ADNP2: variants seen among roughly 807,000 people sequenced by gnomAD.
The protein encoded by ADNP2 is ADNP homeobox 2, also known as activity-dependent neuroprotector homeobox protein 2.
Under a neutral mutation model 16.4 loss-of-function variants are expected in ADNP2, and 8 were observed. That is an observed-to-expected ratio of 0.49 (90% CI 0.29 to 0.88). ADNP2 has a LOEUF of 0.88. ADNP2 is among the 40% of genes least tolerant of loss of function. ADNP2 has a pLI of 0.09. For missense variants in ADNP2, 1,397 were observed against 1,395.1 expected, an observed-to-expected ratio of 1.00 and a Z score of -0.02; for synonymous variants, 637 against 545.8, an observed-to-expected ratio of 1.17 and a Z score of -2.33.
Position 80,137,527 on chromosome 18 carries a change from C to G in ADNP2, c.2114C>G (p.Ser705Cys), listed in dbSNP as rs780038294. 16 of 1,614,240 alleles carry G rather than the reference C, an allele frequency of 9.9e-6. No homozygotes were observed. Among genetic ancestry groups the G allele is most frequent in the Non-Finnish European group, 1.3e-5 (15 of 1,180,048 alleles). Residue 705 changes from serine to cysteine, a missense_variant, in exon 4 of 4, where the codon TCC becomes TGC. By Grantham distance (112) the Ser-to-Cys change is moderately radical (BLOSUM62 -1). Transcript: ENST00000262198. This position sits in a 1 kb window ranked among gnomAD's most constrained non-coding sequence, Gnocchi z 4.2. ...TCPVCNELFP[S>C]NVYQVHMEVA... is the part of the protein sequence containing the mutation. Reference sequence around the variant, plus strand: ...CCTGTCTGCAACGAGCTCTTTCCGTCCAACGTCTACCAGGTCCACATGGAG... The same window carrying G: ...CCTGTCTGCAACGAGCTCTTTCCGTGCAACGTCTACCAGGTCCACATGGAG...
At chr18:80,130,224 A>G (rs1386839081) in intron 2 of ADNP2, among the ~76,000 whole-genome samples, 1 of 152,106 alleles carries the variant, frequency 6.6e-6, no homozygotes, top group Non-Finnish European at 1.5e-5. Flanking sequence ...GGATGGGCCC[A>G]TTCTTTGAGC....
In ADNP2 at chr18:80,138,431, G is replaced by A. The variant is rs777943884; in HGVS notation, c.3018G>A (p.Pro1006=). ...QPPILNADAA[P]GPEKVTSVVP... Reference sequence around the variant, plus strand: ...CCATCCTAAATGCCGATGCAGCCCCGGGTCCAGAAAAGGTGACGAGTGTTG... The same window carrying A: ...CCATCCTAAATGCCGATGCAGCCCCAGGTCCAGAAAAGGTGACGAGTGTTG... The change falls in exon 4 of 4, where the codon CCG becomes CCA. Residue 1006 remains proline, a synonymous_variant. Coordinates refer to ENST00000262198, the MANE Select transcript of ADNP2 (RefSeq NM_014913.4). The A allele has an allele frequency of 5.6e-6, 9 of 1,613,908 alleles. No individual in the cohort carries two copies. The highest frequency in any genetic ancestry group is 1.3e-5 in the African/African-American group (1 of 74,920).
chr18:80,116,102 A>G (rs939521976), intron 1 of ADNP2, among the ~76,000 whole-genome samples: 1 of 152,172 alleles, frequency 6.6e-6, no homozygotes, highest in African/African-American at 2.4e-5. Context: ...TGTTCTGGAC[A>G]CTTCACATAA....
At position 80,138,516 on chromosome 18, in the gene ADNP2, G is replaced by C; in HGVS notation, c.3103G>C (p.Ala1035Pro). ...AGAGGGACCTATTGTCAAGGACGAG[G>C]CTCTTCAGATTTTAGCATTAGATCC... is the stretch of plus-strand genomic sequence containing the variant. ...RTEGPIVKDE[A>P]LQILALDPKK... The change falls in exon 4 of 4, where the codon GCT becomes CCT. Residue 1035 changes from alanine to proline, a missense_variant. This residue lies in a region of ADNP2 where 611 missense variants were observed against 648.7 expected (regional missense o/e 0.94). Coordinates refer to ENST00000262198, the MANE Select transcript of ADNP2 (RefSeq NM_014913.4). 1 of 1,614,044 alleles carries C rather than the reference G, an allele frequency of 6.2e-7. No individual in the cohort carries two copies. Among genetic ancestry groups the C allele is most frequent in the Non-Finnish European group, 8.5e-7 (1 of 1,180,024 alleles).
At chr18:80,126,225 A>G (rs1171444432) in intron 2 of ADNP2, among the ~76,000 whole-genome samples, 1 of 151,356 alleles carries the variant, frequency 6.6e-6, no homozygotes, top group Non-Finnish European at 1.5e-5. Context: ...TTAGAGTAGT[A>G]TGCTTTAATT....
chr18:80,136,763 T>G lies in ADNP2; in HGVS notation c.1350T>G (p.Pro450=). ...GGGCGGTCCCGTCTGGAGTCCTTCC[T>G]GCAGGCCAGATGACTCCTGCAGGCC... ...VSRAVPSGVL[P]AGQMTPAGQM... Residue 450 remains proline (P), a synonymous_variant, in exon 4 of 4, where the codon CCT becomes CCG. Transcript: ENST00000262198. The G allele has an allele frequency of 6.3e-7, 1 of 1,597,764 alleles. No individual in the cohort carries two copies. Among genetic ancestry groups the G allele is most frequent in the South Asian group, 1.1e-5 (1 of 87,640 alleles).
intron 2 of ADNP2, among the ~76,000 whole-genome samples, chr18:80,118,333 C>T (rs1481623978): frequency 1.3e-5 from 2 of 151,776 alleles, no homozygotes; most frequent in Non-Finnish European, 2.9e-5. Context: ...GAGGCTGAGA[C>T]ACAAGAATTG....
Position 80,127,321 on chromosome 18 carries a change from G to A in ADNP2, c.109-5782G>A, listed in dbSNP as rs188344303. ...TACTGTCCCATAGCTCATTGATGCCGTTGTTGGGGTTTTTTCAGTTTTTTT... is the reference window on the plus strand; with the variant it reads ...TACTGTCCCATAGCTCATTGATGCCATTGTTGGGGTTTTTTCAGTTTTTTT... On this transcript the variant is annotated intron_variant, in intron 2 of 3. Coordinates refer to ENST00000262198, the MANE Select transcript of ADNP2 (RefSeq NM_014913.4). Among the ~76,000 whole-genome samples the A allele has an allele frequency of 4.8e-3, 677 of 140,036 alleles. 8 individuals are homozygous for A. Among genetic ancestry groups the A allele is most frequent in the African/African-American group, 0.017 (642 of 37,298 alleles). 91.9% of individuals were successfully genotyped at this position (140,036 alleles called of 152,430 possible). A position where few individuals can be genotyped will look rare whatever the true frequency, so the allele number is the denominator to read the frequency against.
intron 1 of ADNP2, 74 bp downstream of exon 1, chr18:80,109,546 T>C (rs1317365812): frequency 2.0e-5 from 3 of 146,862 alleles, no homozygotes; most frequent in African/African-American, 7.4e-5. Flanking sequence ...CGCCCCAGTC[T>C]GGTCCCCTCC....
chr18:80,134,418 T>TGAGTGA (rs2052518883), intron 3 of ADNP2, among the ~76,000 whole-genome samples: 1 of 136,448 alleles, frequency 7.3e-6, no homozygotes, highest in Non-Finnish European at 1.6e-5. Context: ...TGTGTGTGTG[T>TGAGTGA]GAGAGAGAGT....
rs140720109 is a variant in ADNP2, at chr18:80,136,715, G to A, written c.1302G>A (p.Ser434=). 8 of 1,613,128 alleles carry A rather than the reference G, an allele frequency of 5.0e-6. No individual in the cohort carries two copies. Among genetic ancestry groups the A allele is most frequent in the South Asian group, 1.1e-5 (1 of 90,994 alleles). The change falls in exon 4 of 4, where the codon TCG becomes TCA. Residue 434 remains serine, a synonymous_variant. Transcript: ENST00000262198. ...SVTPGVLQAV[S]PGVLSVSRAV... ...CCCCTGGGGTCCTGCAGGCTGTCTC[G>A]CCAGGGGTGCTTTCTGTGAGTCGGG...
At chr18:80,117,459 C>T (rs2052396584) in intron 1 of ADNP2, 71 bp from the exon 2 acceptor site, 4 of 896,880 alleles carry the variant, frequency 4.5e-6, no homozygotes, top group South Asian at 2.1e-5. Flanking sequence ...TTTTACCAAC[C>T]CTGTCAAAAA....
intron 2 of ADNP2, among the ~76,000 whole-genome samples, chr18:80,120,108 G>GA (rs2052414793): frequency 6.6e-6 from 1 of 152,188 alleles, no homozygotes; most frequent in African/African-American, 2.4e-5. Context: ...CCTGGCCCTG[G>GA]AAAGGGTAAA....
In ADNP2 at chr18:80,117,623, G is replaced by A. The variant is rs774074752; in HGVS notation, c.81G>A (p.Gly27=). 109 of 1,608,864 alleles carry A rather than the reference G, an allele frequency of 6.8e-5. No individual in the cohort carries two copies. The highest frequency in any genetic ancestry group is 9.2e-5 in the Non-Finnish European group (109 of 1,178,478). The part of the protein sequence containing the change: ...KKVKGILVDI[G]LDSCKELLKD... ...TGAAAGGTATTCTTGTGGATATTGGGCTTGACAGCTGCAAGGAGTTACTGA... is the reference window on the plus strand; with the variant it reads ...TGAAAGGTATTCTTGTGGATATTGGACTTGACAGCTGCAAGGAGTTACTGA... Residue 27 remains glycine (G), a synonymous_variant, in exon 2 of 4, where the codon GGG becomes GGA. Transcript: ENST00000262198.
At chr18:80,132,768 C>CT (rs1350970698) in intron 2 of ADNP2, among the ~76,000 whole-genome samples, 5 of 151,106 alleles carry the variant, frequency 3.3e-5, no homozygotes, top group Non-Finnish European at 7.4e-5. Flanking sequence ...GTGTCCTGCT[C>CT]TGTCTCCCAG....
intron 1 of ADNP2, 23 bp from the exon 2 acceptor site, chr18:80,117,507 G>C (rs1187914603): frequency 1.3e-6 from 2 of 1,488,488 alleles, no homozygotes; most frequent in Non-Finnish European, 1.8e-6. Context: ...ACTTATTACA[G>C]TTTTGTTTTC....
chr18:80,118,073 A>G (rs1282093166), intron 2 of ADNP2, among the ~76,000 whole-genome samples: 2 of 152,178 alleles, frequency 1.3e-5, no homozygotes, highest in Non-Finnish European at 2.9e-5. Context: ...GTCTGTCCTT[A>G]TAACATTGAG....
At chr18:80,117,483 T>C in intron 1 of ADNP2, 47 bp from the exon 2 acceptor site, 1 of 1,167,262 alleles carries the variant, frequency 8.6e-7, no homozygotes, top group Non-Finnish European at 1.2e-6. Context: ...TATTTTTGTG[T>C]ATTATATACA....
Position 80,136,783 on chromosome 18 carries a change from C to T in ADNP2, c.1370C>T (p.Ala457Val). The T allele has an allele frequency of 1.2e-6, 2 of 1,613,568 alleles. No homozygotes were observed. Among genetic ancestry groups the T allele is most frequent in the Non-Finnish European group, 1.7e-6 (2 of 1,179,766 alleles). The change falls in exon 4 of 4, where the codon GCA (alanine) becomes GTA (valine). Residue 457 changes from alanine (A) to valine (V), a missense_variant. Coordinates refer to ENST00000262198, the MANE Select transcript of ADNP2 (RefSeq NM_014913.4). Reference sequence around the variant, plus strand: ...CTTCCTGCAGGCCAGATGACTCCTGCAGGCCAGATGACTCCTGCAGGGGTT... The same window carrying T: ...CTTCCTGCAGGCCAGATGACTCCTGTAGGCCAGATGACTCCTGCAGGGGTT... The part of the protein sequence containing the change: ...GVLPAGQMTP[A>V]GQMTPAGVIP...
Sources: gnomAD v4.1 joint callset for allele counts (sites outside exome capture counted in the v4.1 genomes callset) on GRCh38, gnomAD v4.1.1 for gene constraint, gnomAD v4.1.1 regional missense constraint, Gnocchi (gnomAD v3.1) non-coding constraint, MANE v1.5 for transcripts, NCBI Gene and HGNC (gene_info 2026-07-23, HGNC 2026-07-21) for gene names.